The following SLC8A1 variants were observed in gnomAD, a reference collection of about 807,000 sequenced individuals.
SLC8A1 encodes the protein solute carrier family 8 member A1, also known as sodium/calcium exchanger 1.
A neutral mutation model predicts 68.3 loss-of-function variants in SLC8A1; 18 were observed. The ratio of observed to expected loss-of-function variants is 0.26; its 90% CI spans 0.18 to 0.39. The LOEUF (loss-of-function observed/expected upper bound fraction) is 0.39. Among genes scored for constraint, SLC8A1 ranks in the 10% least tolerant of loss-of-function variants. SLC8A1 has a pLI of 1.00. For missense variants in SLC8A1, 985 were observed against 1,156.7 expected (o/e 0.85, Z 2.15); for synonymous variants, 475 against 415.5 (o/e 1.14, Z -1.74).
chr2:40,506,329 G>T (rs1281060975), intron 1 of SLC8A1, among the ~76,000 whole-genome samples: 1 of 151,780 alleles, frequency 6.6e-6, no homozygotes. Context: ...ATGGATTATT[G>T]AGAAGAAAAA....
At chr2:40,385,837 G>A (rs766223055) in intron 2 of SLC8A1, among the ~76,000 whole-genome samples, 7 of 151,010 alleles carry the variant, frequency 4.6e-5, no homozygotes, top group Non-Finnish European at 8.8e-5. Context: ...AAATAGTCCT[G>A]GAAATTATAA....
chr2:40,171,258 T>G (rs1228671272), intron 4 of SLC8A1, among the ~76,000 whole-genome samples: 1 of 152,226 alleles, frequency 6.6e-6, no homozygotes, highest in African/African-American at 2.4e-5. Flanking sequence ...CATTTTCAAC[T>G]GTCAGAATTT....
At chr2:40,312,285 A>G (rs2073821178) in intron 2 of SLC8A1, among the ~76,000 whole-genome samples, 1 of 152,118 alleles carries the variant, frequency 6.6e-6, no homozygotes, top group African/African-American at 2.4e-5. Context: ...GTTGAAAGCT[A>G]CAATAGATCA....
chr2:40,336,082 G>A (rs1377245232), intron 2 of SLC8A1, among the ~76,000 whole-genome samples: 3 of 152,144 alleles, frequency 2.0e-5, no homozygotes, highest in African/African-American at 4.8e-5. Context: ...ACTTAAAAAC[G>A]AAATCCCTGC....
intron 1 of SLC8A1, among the ~76,000 whole-genome samples, chr2:40,502,435 C>G (rs1576678907): frequency 6.6e-6 from 1 of 151,816 alleles, no homozygotes; most frequent in Admixed American, 6.6e-5. Context: ...TTTTGTACAC[C>G]AAAATATAGT....
intron 2 of SLC8A1, among the ~76,000 whole-genome samples, chr2:40,308,357 G>T (rs1349151526): frequency 1.3e-5 from 2 of 152,150 alleles, no homozygotes; most frequent in African/African-American, 2.4e-5. Context: ...TACTTCATTT[G>T]TTTTTTCTGC....
chr2:40,331,547 A>T (rs1426295957), intron 2 of SLC8A1, among the ~76,000 whole-genome samples: 1 of 152,146 alleles, frequency 6.6e-6, no homozygotes, highest in African/African-American at 2.4e-5. Context: ...ACTAAAACTC[A>T]TCAATTATTT....
intron 4 of SLC8A1, among the ~76,000 whole-genome samples, chr2:40,173,112 A>T (rs1222616488): frequency 6.6e-6 from 1 of 152,128 alleles, no homozygotes; most frequent in Non-Finnish European, 1.5e-5. Flanking sequence ...TATTTCTATA[A>T]TGGTTGACTT....
At chr2:40,355,903 G>T (rs1672514603) in intron 2 of SLC8A1, among the ~76,000 whole-genome samples, 1 of 152,096 alleles carries the variant, frequency 6.6e-6, no homozygotes, top group Admixed American at 6.6e-5. Flanking sequence ...CATTAAGTGG[G>T]ATTTGCTGGA....
chr2:40,211,049 T>A (rs1267179681), intron 2 of SLC8A1, among the ~76,000 whole-genome samples: 1 of 152,240 alleles, frequency 6.6e-6, no homozygotes, highest in Non-Finnish European at 1.5e-5. Flanking sequence ...TAGGTCTTTG[T>A]CTTTCCAGTC....
At chr2:40,412,969 G>A (rs917858095) in intron 2 of SLC8A1, among the ~76,000 whole-genome samples, 7 of 152,190 alleles carry the variant, frequency 4.6e-5, no homozygotes, top group Non-Finnish European at 1.0e-4. Context: ...TGTTACATAT[G>A]TATACATGTG....
At chr2:40,276,307 G>T (rs182964445) in intron 2 of SLC8A1, among the ~76,000 whole-genome samples, 1 of 152,270 alleles carries the variant, frequency 6.6e-6, no homozygotes, top group Admixed American at 6.5e-5. Flanking sequence ...TTAACTGAGT[G>T]TCTTTATAAG....
chr2:40,265,609 C>T (rs2065266126), intron 2 of SLC8A1, among the ~76,000 whole-genome samples: 1 of 152,068 alleles, frequency 6.6e-6, no homozygotes, highest in Non-Finnish European at 1.5e-5. Flanking sequence ...TGGAGGGAGG[C>T]CCTTATCATA....
At chr2:40,406,451 G>T (rs938772401) in intron 2 of SLC8A1, among the ~76,000 whole-genome samples, 1 of 152,052 alleles carries the variant, frequency 6.6e-6, no homozygotes, top group East Asian at 1.9e-4. Flanking sequence ...ATAAATAAAC[G>T]TCAGAAAATT....
intron 2 of SLC8A1, chr2:40,254,349 A>AATAACATATCCT (rs2149057476): frequency 6.7e-6 from 1 of 148,900 alleles, no homozygotes; most frequent in South Asian, 2.1e-4. Flanking sequence ...ATATTGAATT[A>AATAACATATCCT]ATAACATATC....
At chr2:40,494,931 T>G (rs1333785269) in intron 1 of SLC8A1, among the ~76,000 whole-genome samples, 2 of 151,462 alleles carry the variant, frequency 1.3e-5, no homozygotes, top group African/African-American at 2.4e-5. Flanking sequence ...ACCCTAAACC[T>G]AGTGATATTT....
intron 2 of SLC8A1, among the ~76,000 whole-genome samples, chr2:40,418,451 C>T (rs1254913297): frequency 6.6e-6 from 1 of 152,054 alleles, no homozygotes; most frequent in Admixed American, 6.6e-5. Flanking sequence ...CTCAGTAATC[C>T]GTCTGGCCTA....
chr2:40,229,235 C>A (rs13397627), intron 2 of SLC8A1, among the ~76,000 whole-genome samples: 3 of 152,032 alleles, frequency 2.0e-5, no homozygotes, highest in African/African-American at 7.2e-5. Flanking sequence ...ATTAGAGAAA[C>A]TGAATGGCTC....
intron 2 of SLC8A1, among the ~76,000 whole-genome samples, chr2:40,203,279 T>A (rs181502695): frequency 6.6e-6 from 1 of 152,118 alleles, no homozygotes; most frequent in Admixed American, 6.6e-5. Flanking sequence ...TAATGGGTAG[T>A]GACTCAGAGT....
Sources: allele counts gnomAD v4.1 joint callset (sites outside exome capture counted in the v4.1 genomes callset), GRCh38; gene constraint gnomAD v4.1.1; transcripts MANE v1.5; gene names NCBI Gene and HGNC (gene_info 2026-07-23, HGNC 2026-07-21).